BRINP3: variants seen among roughly 807,000 people sequenced by gnomAD.
The protein encoded by BRINP3 is BMP/retinoic acid inducible neural specific 3, also known as BMP/retinoic acid-inducible neural-specific protein 3.
BRINP3 carries 19 observed loss-of-function variants against 71.0 expected under a neutral mutation model. That is an observed-to-expected ratio of 0.27 (90% CI 0.19 to 0.39). The LOEUF (loss-of-function observed/expected upper bound fraction) is 0.39. BRINP3 is among the 10% of genes least tolerant of loss of function. The probability of loss-of-function intolerance (pLI) is 1.00; values close to 1 mark genes in which losing one functional copy is unlikely to be tolerated. For synonymous variants in BRINP3, 380 were observed against 337.7 expected (o/e 1.13, Z -1.37); for missense variants, 959 against 940.8 (o/e 1.02, Z -0.25).
chr1:190,177,659 C>A (rs1417398702), intron 6 of BRINP3, among the ~76,000 whole-genome samples: 1 of 152,044 alleles, frequency 6.6e-6, no homozygotes, highest in African/African-American at 2.4e-5. Context: ...AATACCAATA[C>A]CCCATAAGCT....
chr1:190,473,042 G>A (rs947443780), intron 1 of BRINP3, among the ~76,000 whole-genome samples: 5 of 151,756 alleles, frequency 3.3e-5, no homozygotes, highest in East Asian at 1.9e-4. Flanking sequence ...GAAATTGATC[G>A]TTATATGGTA....
At chr1:190,381,506 G>C (rs1571908420) in intron 2 of BRINP3, among the ~76,000 whole-genome samples, 1 of 152,114 alleles carries the variant, frequency 6.6e-6, no homozygotes, top group Non-Finnish European at 1.5e-5. Flanking sequence ...GCATGTATTT[G>C]TGTCTTGTTT....
chr1:190,469,036 T>C (rs1676954200), intron 1 of BRINP3, among the ~76,000 whole-genome samples: 1 of 151,088 alleles, frequency 6.6e-6, no homozygotes, highest in African/African-American at 2.4e-5. Context: ...ATCTTATACA[T>C]CTGATAAGCA....
In BRINP3 at chr1:190,420,470, G is replaced by T. The variant is rs531050268; in HGVS notation, c.236+34185C>A. ...AAATCAAATGTCAAACAATCACTTTGTAACCCTAAGTTAACCAAAGTGATC... is the reference window on the plus strand; with the variant it reads ...AAATCAAATGTCAAACAATCACTTTTTAACCCTAAGTTAACCAAAGTGATC... On this transcript the variant is annotated intron_variant, in intron 2 of 7. Transcript: ENST00000367462. Among the ~76,000 whole-genome samples, 73 of 152,012 alleles carry T rather than the reference G, an allele frequency of 4.8e-4. No homozygotes were observed. In the South Asian group the frequency reaches 6.4e-3, roughly 13 times the overall value.
chr1:190,296,602 T>A (rs539030871), intron 2 of BRINP3, among the ~76,000 whole-genome samples: 1 of 151,942 alleles, frequency 6.6e-6, no homozygotes, highest in African/African-American at 2.4e-5. Flanking sequence ...ATAAAATACA[T>A]CCAAACTGGA....
At chr1:190,427,151 T>C (rs1673763935) in intron 2 of BRINP3, among the ~76,000 whole-genome samples, 1 of 151,936 alleles carries the variant, frequency 6.6e-6, no homozygotes, top group Non-Finnish European at 1.5e-5. Flanking sequence ...TTATCTAATT[T>C]CTATGGGTAT....
intron 2 of BRINP3, among the ~76,000 whole-genome samples, chr1:190,389,273 C>G (rs1035816817): frequency 6.6e-6 from 1 of 151,702 alleles, no homozygotes; most frequent in African/African-American, 2.4e-5. Flanking sequence ...TCCCTACCAT[C>G]CAATCTATTC....
intron 2 of BRINP3, among the ~76,000 whole-genome samples, chr1:190,369,599 G>T (rs1571880025): frequency 6.6e-6 from 1 of 151,636 alleles, no homozygotes; most frequent in African/African-American, 2.4e-5. Flanking sequence ...TTGACAAAAA[G>T]ACAATGTGTT....
At chr1:190,362,415 A>G (rs893914894) in intron 2 of BRINP3, 1 of 152,164 alleles carries the variant, frequency 6.6e-6, no homozygotes, top group Non-Finnish European at 1.5e-5. Context: ...TGCCTAAGCT[A>G]TATCTTAAAT....
intron 2 of BRINP3, among the ~76,000 whole-genome samples, chr1:190,352,439 A>G (rs1284614796): frequency 6.6e-6 from 1 of 152,012 alleles, no homozygotes; most frequent in Non-Finnish European, 1.5e-5. Context: ...ACAGTATCAC[A>G]CAAAGTAAGG....
chr1:190,223,999 A>G (rs1453177728), intron 6 of BRINP3, among the ~76,000 whole-genome samples: 1 of 151,988 alleles, frequency 6.6e-6, no homozygotes, highest in South Asian at 2.1e-4. Flanking sequence ...GAAAACACAC[A>G]AATAATGTAA....
chr1:190,168,009 T>C (rs1651705504), intron 6 of BRINP3, among the ~76,000 whole-genome samples: 1 of 152,126 alleles, frequency 6.6e-6, no homozygotes, highest in Admixed American at 6.6e-5. Context: ...CTGACTTCAA[T>C]GAATATATAA....
In BRINP3 at chr1:190,206,973, T is replaced by G. The variant is rs140714932; in HGVS notation, c.961+19109A>C. 2.8e-3 allele frequency among the ~76,000 whole-genome samples: 421 copies of G among 151,422 alleles called. 1 individual carries two copies. Among genetic ancestry groups the G allele is most frequent in the South Asian group, 4.2e-3 (20 of 4,782 alleles). The stretch of plus-strand genomic sequence containing the variant: ...AAGACAATATCATGTTTGGGTTTTT[T>G]TTTTGTTTTGTTTTGTTTTTTTGTT... On this transcript the variant is annotated intron_variant, in intron 6 of 7. Coordinates refer to ENST00000367462, the MANE Select transcript of BRINP3 (RefSeq NM_199051.3).
chr1:190,212,412 T>C (rs1656066254), intron 6 of BRINP3, among the ~76,000 whole-genome samples: 1 of 152,114 alleles, frequency 6.6e-6, no homozygotes, highest in South Asian at 2.1e-4. Context: ...ATTGAATGCC[T>C]CAAAGGTCAC....
intron 2 of BRINP3, among the ~76,000 whole-genome samples, chr1:190,433,955 C>A (rs777414783): frequency 6.6e-6 from 1 of 151,982 alleles, no homozygotes; most frequent in Non-Finnish European, 1.5e-5. Flanking sequence ...TATCCCCACC[C>A]CGGTTTTCTG....
chr1:190,214,984 G>C (rs149783372), intron 6 of BRINP3, among the ~76,000 whole-genome samples: 4 of 150,714 alleles, frequency 2.7e-5, no homozygotes, highest in Admixed American at 6.7e-5. Flanking sequence ...TTTCTATCTT[G>C]AATGCCTTAC....
At chr1:190,366,743 G>A (rs376552633) in intron 2 of BRINP3, among the ~76,000 whole-genome samples, 53 of 152,252 alleles carry the variant, frequency 3.5e-4, no homozygotes, top group Non-Finnish European at 5.1e-4. Flanking sequence ...CGAAATGCAA[G>A]CAATTGGCCA....
At chr1:190,424,149 C>A (rs934672858) in intron 2 of BRINP3, among the ~76,000 whole-genome samples, 1 of 151,480 alleles carries the variant, frequency 6.6e-6, no homozygotes, top group African/African-American at 2.4e-5. Context: ...CTTAATTCTC[C>A]TGCCTCTTTC....
intron 2 of BRINP3, among the ~76,000 whole-genome samples, chr1:190,310,184 G>C (rs1665417042): frequency 6.6e-6 from 1 of 150,976 alleles, no homozygotes; most frequent in African/African-American, 2.4e-5. Context: ...AGAACCCACA[G>C]GAAACAGATA....
Sources: allele counts gnomAD v4.1 joint callset (sites outside exome capture counted in the v4.1 genomes callset), GRCh38; gene constraint gnomAD v4.1.1; transcripts MANE v1.5; gene names NCBI Gene and HGNC (gene_info 2026-07-23, HGNC 2026-07-21).